Variants in RPH3A observed in about 807,000 individuals in gnomAD.
RPH3A encodes rabphilin-3A.
RPH3A carries 48 observed loss-of-function variants against 102.2 expected under a neutral mutation model. The observed-to-expected ratio is 0.47, with a 90% confidence interval of 0.37 to 0.60. The LOEUF is 0.60. RPH3A is among the 20% of genes least tolerant of loss of function. The pLI, the probability that RPH3A is intolerant of heterozygous loss-of-function variation, is 0.00. For missense variants in RPH3A, 781 were observed against 910.1 expected, an observed-to-expected ratio of 0.86 and a Z score of 1.83; for synonymous variants, 310 against 324.3, an observed-to-expected ratio of 0.96 and a Z score of 0.47.
At chr12:112,691,056 G>T (rs893014651) in intron 1 of RPH3A, among the ~76,000 whole-genome samples, 3 of 149,512 alleles carry the variant, frequency 2.0e-5, no homozygotes, top group African/African-American at 2.5e-5. Context: ...ACGGAGTCTC[G>T]CTCTGTCGCC....
chr12:112,724,611 T>C (rs2040574261), intron 1 of RPH3A, among the ~76,000 whole-genome samples: 2 of 152,242 alleles, frequency 1.3e-5, no homozygotes, highest in South Asian at 4.1e-4. Context: ...CAGGTTATTG[T>C]TGTTCATCAC....
chr12:112,858,075 C>T (rs976347905), intron 5 of RPH3A, among the ~76,000 whole-genome samples: 35 of 151,724 alleles, frequency 2.3e-4, no homozygotes, highest in African/African-American at 8.0e-4. Flanking sequence ...GAATTCAAGA[C>T]GAGCCTGAGC....
Position 112,895,765 on chromosome 12 carries a change from T to A in RPH3A, c.1858-12T>A. ...GGGCTCTTACCCACATGTCTTCCTC[T>A]GTTGTATTCAGGAGTTTTTCTATGA... On this transcript the variant is annotated splice_polypyrimidine_tract_variant and intron_variant, in intron 20 of 21. Transcript: ENST00000389385. 6.2e-7 allele frequency: 1 copy of A among 1,600,610 alleles called. No homozygotes were observed.
chr12:112,577,462 T>C (rs756798751), intron 1 of RPH3A, among the ~76,000 whole-genome samples: 1 of 152,196 alleles, frequency 6.6e-6, no homozygotes, highest in Non-Finnish European at 1.5e-5. Context: ...GTGAGGATGA[T>C]CAGAGGTCAC....
Position 112,667,375 on chromosome 12 carries a change from C to A in RPH3A, c.-140+92056C>A, listed in dbSNP as rs2040091216. ...TGTCAAAAGTTGCCTTTAATTCTTC[C>A]TCCCACCCTGGACCCTTTTTTCTCC... On this transcript the variant is annotated intron_variant, in intron 1 of 21. Transcript: ENST00000543106. Among the ~76,000 whole-genome samples, 2 of 152,124 alleles carry A rather than the reference C, an allele frequency of 1.3e-5. 1 individual carries two copies. The highest frequency in any genetic ancestry group is 4.1e-4 in the South Asian group (2 of 4,820).
intron 1 of RPH3A, among the ~76,000 whole-genome samples, chr12:112,732,814 T>A (rs1377237672): frequency 1.3e-5 from 2 of 152,126 alleles, no homozygotes; most frequent in African/African-American, 4.8e-5. Context: ...GCAGTTGACA[T>A]AGTTTGCTCT....
At position 112,831,358 on chromosome 12, in the gene RPH3A, A is replaced by G. The variant is rs114694102; in HGVS notation, c.71+2969A>G. On this transcript the variant is annotated intron_variant, in intron 3 of 21. Transcript: ENST00000389385. ...TCCTATGATATCCATGGCTATCCTTAAAGTGTTACTATTCATAACTAATCA... is the reference window on the plus strand; with the variant it reads ...TCCTATGATATCCATGGCTATCCTTGAAGTGTTACTATTCATAACTAATCA... 4.1e-3 allele frequency among the ~76,000 whole-genome samples: 621 copies of G among 152,222 alleles called. 4 individuals carry two copies. The highest frequency in any genetic ancestry group is 0.014 in the African/African-American group (586 of 41,548).
At chr12:112,713,010 C>CGT (rs1565857160) in intron 1 of RPH3A, among the ~76,000 whole-genome samples, 24 of 73,582 alleles carry the variant, frequency 3.3e-4, no homozygotes, top group African/African-American at 1.2e-3. Flanking sequence ...TCTTCCTCTT[C>CGT]CTCTTCCTCT....
At chr12:112,851,290 A>G (rs2136195082) in intron 5 of RPH3A, among the ~76,000 whole-genome samples, 1 of 152,224 alleles carries the variant, frequency 6.6e-6, no homozygotes, top group East Asian at 1.9e-4. Flanking sequence ...ACACATCCCT[A>G]TTGGCTGACT....
At chr12:112,741,950 AC>A (rs2040712157) in intron 1 of RPH3A, among the ~76,000 whole-genome samples, 1 of 152,074 alleles carries the variant, frequency 6.6e-6, no homozygotes, top group African/African-American at 2.4e-5. Flanking sequence ...CACGTACTAA[AC>A]CTCTACCACC....
intron 1 of RPH3A, among the ~76,000 whole-genome samples, chr12:112,630,202 ATATT>A (rs1310515036): frequency 6.6e-6 from 1 of 152,088 alleles, no homozygotes; most frequent in Non-Finnish European, 1.5e-5. Context: ...TATTTCATAA[ATATT>A]TATTGAGCCT....
At chr12:112,605,840 T>G (rs546090722) in intron 1 of RPH3A, among the ~76,000 whole-genome samples, 1 of 152,362 alleles carries the variant, frequency 6.6e-6, no homozygotes, top group African/African-American at 2.4e-5. Context: ...GGTTCCCCCT[T>G]TAGCCAGTGG....
In RPH3A at chr12:112,587,122, A is replaced by G. The variant is rs909532746; in HGVS notation, c.-140+11803A>G. Among the ~76,000 whole-genome samples, 13 of 152,352 alleles carry G rather than the reference A, an allele frequency of 8.5e-5. No individual in the cohort carries two copies. The South Asian group carries it at 1.9e-3, about 22-fold the overall frequency. On this transcript the variant is annotated intron_variant, in intron 1 of 21. Coordinates refer to the RPH3A transcript ENST00000543106. ...AAATGCAACATAAGTATTGTGAATC[A>G]TCTCCACTGAGTTTGATTTAACCCT...
intron 1 of RPH3A, among the ~76,000 whole-genome samples, chr12:112,685,393 T>C (rs2040256365): frequency 6.6e-6 from 1 of 152,170 alleles, no homozygotes; most frequent in East Asian, 1.9e-4. Context: ...GGAGGGATAA[T>C]TGTACTTAGT....
At chr12:112,593,876 T>A (rs1209747991) in intron 1 of RPH3A, among the ~76,000 whole-genome samples, 1 of 152,206 alleles carries the variant, frequency 6.6e-6, no homozygotes, top group Non-Finnish European at 1.5e-5. Context: ...CCTTCCTTGA[T>A]CACTAGACTG....
intron 1 of RPH3A, among the ~76,000 whole-genome samples, chr12:112,769,466 C>A (rs564744938): frequency 6.6e-6 from 1 of 152,206 alleles, no homozygotes; most frequent in African/African-American, 2.4e-5. Flanking sequence ...TTGTGTATTG[C>A]TGTCAGTTGG....
chr12:112,730,237 T>C (rs2040623169), intron 1 of RPH3A, among the ~76,000 whole-genome samples: 3 of 152,194 alleles, frequency 2.0e-5, no homozygotes, highest in Admixed American at 2.0e-4. Flanking sequence ...ACCCAGTCTG[T>C]GGTAGGGTGA....
chr12:112,643,638 TG>T (rs2039906469), intron 1 of RPH3A, among the ~76,000 whole-genome samples: 1 of 152,240 alleles, frequency 6.6e-6, no homozygotes, highest in Admixed American at 6.5e-5. Context: ...CGTGTCAGCC[TG>T]GGTTTCCCCA....
rs547205704 is a variant in RPH3A at position 112,613,849 on chromosome 12, C to T, written c.-140+38530C>T. 2.0e-4 allele frequency among the ~76,000 whole-genome samples: 30 copies of T among 152,172 alleles called. No homozygotes were observed. The Middle Eastern group carries it at 0.014, about 69-fold the overall frequency. Reference sequence around the variant, plus strand: ...ATCCCAGCTACTCAGGAGACTGAGGCGAGAGGATTGCTTGAGCCCAGGAGG... The same window carrying T: ...ATCCCAGCTACTCAGGAGACTGAGGTGAGAGGATTGCTTGAGCCCAGGAGG... On this transcript the variant is annotated intron_variant, in intron 1 of 21. Transcript: ENST00000543106.
Sources: gnomAD v4.1 joint callset for allele counts (sites outside exome capture counted in the v4.1 genomes callset) on GRCh38, gnomAD v4.1.1 for gene constraint, MANE v1.5 for transcripts, NCBI Gene and HGNC (gene_info 2026-07-23, HGNC 2026-07-21) for gene names.